PRH1: variants seen among roughly 807,000 people sequenced by gnomAD.
PRH1 encodes the protein proline rich protein HaeIII subfamily 1, also known as salivary acidic proline-rich phosphoprotein 1/2.
A neutral mutation model predicts 7.9 loss-of-function variants in PRH1; 7 were observed. The observed-to-expected ratio is 0.89, with a 90% confidence interval of 0.50 to 1.67. The LOEUF is 1.67. Among genes scored for constraint, PRH1 ranks in the 40% most tolerant of loss-of-function variants. PRH1 has a pLI of 0.00. For synonymous variants in PRH1, 45 were observed against 80.8 expected, an observed-to-expected ratio of 0.56 and a Z score of 2.38; for missense variants, 109 against 223.6, an observed-to-expected ratio of 0.49 and a Z score of 3.27.
intron 1 of PRH1, among the ~76,000 whole-genome samples, chr12:11,080,546 C>A: frequency 9.2e-6 from 1 of 108,578 alleles, no homozygotes; most frequent in Admixed American, 9.4e-5. Flanking sequence ...ATAAAAAAGC[C>A]AAAAACATAG....
chr12:10,990,801 T>C (rs1939897074), intron 1 of PRH1, among the ~76,000 whole-genome samples: 1 of 152,122 alleles, frequency 6.6e-6, no homozygotes, highest in Non-Finnish European at 1.5e-5. Flanking sequence ...TTTTTGAGGG[T>C]AGAACCAACA....
At chr12:11,117,292 C>A (rs1251574867), downstream of PRH1, among the ~76,000 whole-genome samples, 1 of 151,726 alleles carries the variant, frequency 6.6e-6, no homozygotes, top group Admixed American at 6.6e-5. Context: ...AAAACAAAAT[C>A]AAAAAAGTAA....
At chr12:11,026,879 T>A (rs1387461763) in intron 1 of PRH1, among the ~76,000 whole-genome samples, 3 of 152,244 alleles carry the variant, frequency 2.0e-5, no homozygotes, top group African/African-American at 7.2e-5. Context: ...CCTTGTATCA[T>A]AATAATAACA....
chr12:11,068,998 C>G (rs77611970), intron 1 of PRH1, among the ~76,000 whole-genome samples: 20 of 17,782 alleles, frequency 1.1e-3, no homozygotes, highest in African/African-American at 1.5e-3. Flanking sequence ...CTCCACTGCT[C>G]TCTACAGCTC....
chr12:11,066,743 G>C (rs1190971576), intron 1 of PRH1, among the ~76,000 whole-genome samples: 2 of 151,734 alleles, frequency 1.3e-5, no homozygotes, highest in Non-Finnish European at 1.5e-5. Flanking sequence ...TCAGGGTAGT[G>C]AGAGAACCCT....
Position 11,147,350 on chromosome 12 carries a change from G to A in PRH1, n.39+24072C>T, listed in dbSNP as rs560374311. 3.6e-4 allele frequency among the ~76,000 whole-genome samples: 55 copies of A among 152,034 alleles called. 1 individual carries two copies. The highest frequency in any genetic ancestry group is 1.4e-3 in the Admixed American group (22 of 15,260). On this transcript the variant is annotated intron_variant and non_coding_transcript_variant, in intron 1 of 1. Coordinates refer to the PRH1 transcript ENST00000541175. Reference sequence around the variant, plus strand: ...CTACAGGTGTGTGCCACCACACACCGCTAATTTTTGTATTTTTAGTAGAGA... The same window carrying A: ...CTACAGGTGTGTGCCACCACACACCACTAATTTTTGTATTTTTAGTAGAGA...
chr12:11,063,471 T>C (rs896992159), intron 1 of PRH1, among the ~76,000 whole-genome samples: 4 of 152,012 alleles, frequency 2.6e-5, no homozygotes, highest in East Asian at 3.9e-4. Flanking sequence ...CCAGACCAAA[T>C]TGGCCAAACT....
chr12:11,124,480 G>C (rs916136308), intron 1 of PRH1, among the ~76,000 whole-genome samples: 1 of 152,212 alleles, frequency 6.6e-6, no homozygotes, highest in Non-Finnish European at 1.5e-5. Context: ...TCTTTTTATA[G>C]TGTTCCTTGG....
chr12:11,142,809 G>A (rs1426283947), intron 1 of PRH1, among the ~76,000 whole-genome samples: 1 of 152,168 alleles, frequency 6.6e-6, no homozygotes, highest in African/African-American at 2.4e-5. Context: ...TATTAGAAGT[G>A]CTGAAGGAAA....
At chr12:11,134,849 G>C (rs1196947908) in intron 1 of PRH1, among the ~76,000 whole-genome samples, 1 of 152,114 alleles carries the variant, frequency 6.6e-6, no homozygotes, top group East Asian at 1.9e-4. Context: ...TACTCCATAA[G>C]ATCTGGTTGC....
chr12:11,000,879 G>A (rs1940554665), intron 1 of PRH1, among the ~76,000 whole-genome samples: 1 of 151,814 alleles, frequency 6.6e-6, no homozygotes, highest in Admixed American at 6.6e-5. Context: ...TGCTATTATT[G>A]TTTTAGTAGC....
At chr12:11,148,791 C>T (rs1946958544) in intron 1 of PRH1, among the ~76,000 whole-genome samples, 1 of 120,546 alleles carries the variant, frequency 8.3e-6, no homozygotes, top group Admixed American at 8.4e-5. Context: ...CAGGATGATG[C>T]TGGCCTCATA....
chr12:10,949,117 T>C (rs1362670334), intron 2 of PRH1, among the ~76,000 whole-genome samples: 1 of 152,134 alleles, frequency 6.6e-6, no homozygotes, highest in Non-Finnish European at 1.5e-5. Context: ...GGAATCTCAG[T>C]GTTTATATTC....
intron 2 of PRH1, among the ~76,000 whole-genome samples, chr12:10,903,092 G>A (rs537500225): frequency 1.6e-4 from 24 of 152,148 alleles, no homozygotes; most frequent in African/African-American, 2.2e-4. Flanking sequence ...AAAAGTCATC[G>A]GTCTGCTGTC....
chr12:11,142,144 C>T (rs994955401), intron 1 of PRH1, among the ~76,000 whole-genome samples: 3 of 151,976 alleles, frequency 2.0e-5, no homozygotes, highest in South Asian at 2.1e-4. Flanking sequence ...GCATGACATC[C>T]GTCTCCAACA....
At chr12:10,936,476 C>CTCA (rs1950290212) in intron 2 of PRH1, among the ~76,000 whole-genome samples, 1 of 152,006 alleles carries the variant, frequency 6.6e-6, no homozygotes, top group Non-Finnish European at 1.5e-5. Context: ...CCATGTGATA[C>CTCA]TCATCACATG....
At chr12:11,128,110 C>CAAAAAAAAAAA (rs71434172) in intron 1 of PRH1, among the ~76,000 whole-genome samples, 12 of 100,542 alleles carry the variant, frequency 1.2e-4, no homozygotes, top group Middle Eastern at 5.8e-3. Flanking sequence ...GACTCAGTCT[C>CAAAAAAAAAAA]AAAAAAAAAA....
intron 1 of PRH1, chr12:11,133,442 A>G (rs201104140): frequency 1.3e-6 from 2 of 1,573,246 alleles, no homozygotes; most frequent in Non-Finnish European, 1.7e-6. Context: ...ATAGCTGAAT[A>G]TAATAGCTTG....
intron 1 of PRH1, among the ~76,000 whole-genome samples, chr12:11,072,287 T>G (rs1376519682): frequency 1.3e-5 from 2 of 152,134 alleles, no homozygotes; most frequent in African/African-American, 4.8e-5. Flanking sequence ...ATACCAAGCC[T>G]GCACTGGGAG....
Sources: allele counts gnomAD v4.1 joint callset (sites outside exome capture counted in the v4.1 genomes callset), GRCh38; gene constraint gnomAD v4.1.1; transcripts MANE v1.5; gene names NCBI Gene and HGNC (gene_info 2026-07-23, HGNC 2026-07-21).